PDZRN4: variants seen among roughly 807,000 people sequenced by gnomAD.
The protein encoded by PDZRN4 is PDZ domain-containing RING finger protein 4.
Under a neutral mutation model 99.0 loss-of-function variants are expected in PDZRN4, and 70 were observed. The ratio of observed to expected loss-of-function variants is 0.71; its 90% confidence interval spans 0.58 to 0.86. PDZRN4 has a LOEUF of 0.86. PDZRN4 is among the 40% of genes least tolerant of loss of function. PDZRN4 has a pLI of 0.00. For missense variants in PDZRN4, 1,474 were observed against 1,331.2 expected, an observed-to-expected ratio of 1.11 and a Z score of -1.67; for synonymous variants, 551 against 501.6, an observed-to-expected ratio of 1.10 and a Z score of -1.32.
intron 3 of PDZRN4, among the ~76,000 whole-genome samples, chr12:41,438,481 C>G (rs770954510): frequency 5.3e-5 from 8 of 152,094 alleles, no homozygotes; most frequent in Non-Finnish European, 7.4e-5. Context: ...AGAATTTGTG[C>G]TTTGGTTTAA....
chr12:41,488,773 A>G (rs1401928853), intron 3 of PDZRN4, among the ~76,000 whole-genome samples: 1 of 152,238 alleles, frequency 6.6e-6, no homozygotes. Context: ...TATAAAATGA[A>G]AACAATAATC....
chr12:41,527,707 T>C (rs1308736677), intron 5 of PDZRN4, among the ~76,000 whole-genome samples: 1 of 152,224 alleles, frequency 6.6e-6, no homozygotes, highest in Non-Finnish European at 1.5e-5. Flanking sequence ...TTCAGCACAA[T>C]GTGTCCTCCT....
At chr12:41,499,136 G>A (rs1449608727) in intron 3 of PDZRN4, among the ~76,000 whole-genome samples, 3 of 152,050 alleles carry the variant, frequency 2.0e-5, no homozygotes, top group Non-Finnish European at 2.9e-5. Context: ...ATTGTGAGCA[G>A]AGCCAAGCAA....
chr12:41,514,623 G>C (rs1162200294), intron 5 of PDZRN4, among the ~76,000 whole-genome samples: 1 of 152,030 alleles, frequency 6.6e-6, no homozygotes, highest in Non-Finnish European at 1.5e-5. Flanking sequence ...TTTCACAGTG[G>C]GTGCTCAACG....
intron 3 of PDZRN4, among the ~76,000 whole-genome samples, chr12:41,425,498 TC>T: frequency 6.6e-6 from 1 of 152,100 alleles, no homozygotes; most frequent in South Asian, 2.1e-4. Flanking sequence ...CAGATGGTGT[TC>T]CTGTACAGAA....
intron 9 of PDZRN4, among the ~76,000 whole-genome samples, chr12:41,571,357 C>G (rs1362356253): frequency 4.2e-5 from 4 of 95,494 alleles, no homozygotes; most frequent in Admixed American, 1.3e-4. Context: ...CTCTCTCTCT[C>G]TCTCTCTCTC....
chr12:41,317,421 G>A (rs746695056), intron 3 of PDZRN4, among the ~76,000 whole-genome samples: 13 of 151,956 alleles, frequency 8.6e-5, no homozygotes, highest in Non-Finnish European at 1.8e-4. Flanking sequence ...CCCACAGGAT[G>A]GAGAATAATC....
At chr12:41,321,340 T>TA (rs1951676138) in intron 3 of PDZRN4, among the ~76,000 whole-genome samples, 1 of 152,204 alleles carries the variant, frequency 6.6e-6, no homozygotes, top group Non-Finnish European at 1.5e-5. Context: ...TCTCTGCTTC[T>TA]AATCTTAGGA....
chr12:41,525,727 T>C (rs1938556963), intron 5 of PDZRN4, among the ~76,000 whole-genome samples: 1 of 152,058 alleles, frequency 6.6e-6, no homozygotes, highest in Admixed American at 6.6e-5. Flanking sequence ...AGAAACTCCA[T>C]ACCTTGTGGA....
Position 41,189,102 on chromosome 12 carries a change from G to GTT in PDZRN4, c.647_648insTT (p.Arg216SerfsTer13). 1 of 1,579,886 alleles carries GTT rather than the reference G, an allele frequency of 6.3e-7. No homozygotes were observed. The highest frequency in any genetic ancestry group is 2.3e-5 in the East Asian group (1 of 43,938). ...GGCGACCTCGGTGGCGGCCACCGCA[G>GTT]GGTAAGCAAAGGGGGGTGGGCACCG... On this transcript the variant is annotated frameshift_variant and splice_region_variant, in exon 1 of 10. Transcript: ENST00000402685. LOFTEE classifies it high-confidence loss of function.
intron 5 of PDZRN4, among the ~76,000 whole-genome samples, chr12:41,540,516 A>G (rs961620418): frequency 3.9e-5 from 6 of 152,186 alleles, no homozygotes; most frequent in African/African-American, 1.4e-4. Flanking sequence ...TATGTAACAC[A>G]AACAATCTGA....
chr12:41,549,244 A>G (rs1370338182), intron 5 of PDZRN4, among the ~76,000 whole-genome samples: 1 of 152,180 alleles, frequency 6.6e-6, no homozygotes, highest in Non-Finnish European at 1.5e-5. Flanking sequence ...AAGGTATGAA[A>G]GTTGTTAGGG....
At chr12:41,192,145 GC>G (rs1414927624) in intron 2 of PDZRN4, among the ~76,000 whole-genome samples, 1 of 151,916 alleles carries the variant, frequency 6.6e-6, no homozygotes, top group East Asian at 1.9e-4. Flanking sequence ...TCACTCTGCA[GC>G]CCAGGCTGGA....
intron 3 of PDZRN4, among the ~76,000 whole-genome samples, chr12:41,369,067 T>G (rs1158394271): frequency 6.6e-6 from 1 of 152,134 alleles, no homozygotes; most frequent in Non-Finnish European, 1.5e-5. Context: ...TGAAAAACTT[T>G]TTCATAAAGA....
chr12:41,454,779 A>G (rs1211311026), intron 3 of PDZRN4, among the ~76,000 whole-genome samples: 1 of 152,230 alleles, frequency 6.6e-6, no homozygotes, highest in Non-Finnish European at 1.5e-5. Flanking sequence ...TGTGGGACAA[A>G]TGGAACTAAG....
Position 41,383,197 on chromosome 12 carries a change from G to A in PDZRN4, c.844-123259G>A, listed in dbSNP as rs933626712. Reference sequence around the variant, plus strand: ...TTTAGAGCACTGAATGAGGACTTTGGCACCTAATTTGGAATTTTGGAGCAC... The same window carrying A: ...TTTAGAGCACTGAATGAGGACTTTGACACCTAATTTGGAATTTTGGAGCAC... On this transcript the variant is annotated intron_variant, in intron 3 of 9. Transcript: ENST00000402685. Among the ~76,000 whole-genome samples, 4 of 152,212 alleles carry A rather than the reference G, an allele frequency of 2.6e-5. No individual in the cohort carries two copies. The South Asian group carries it at 8.3e-4, about 32-fold the overall frequency.
chr12:41,573,882 A>G lies in PDZRN4; in HGVS notation c.3103A>G (p.Thr1035Ala), dbSNP rs1477039113. The change falls in exon 10 of 10, where the codon ACT becomes GCT. Residue 1035 changes from threonine (T) to alanine (A), a missense_variant. By Grantham distance (58) the Thr-to-Ala change is moderately conservative (BLOSUM62 0). Transcript: ENST00000402685. ...RVHNAFLSVT[T>A]V is the part of the protein sequence containing the mutation. ...CCATAATGCCTTCTTGTCGGTGACC[A>G]CTGTATGACCGAATGAATGGAATGC... 6.5e-7 allele frequency: 1 copy of G among 1,549,276 alleles called. No homozygotes were observed. The highest frequency in any genetic ancestry group is 1.3e-5 in the South Asian group (1 of 78,702).
At chr12:41,561,480 C>A (rs1939268580) in intron 7 of PDZRN4, among the ~76,000 whole-genome samples, 1 of 150,848 alleles carries the variant, frequency 6.6e-6, no homozygotes, top group African/African-American at 2.4e-5. Context: ...TTTAAGATAG[C>A]AAACTTAATA....
At chr12:41,529,756 C>T (rs556616951) in intron 5 of PDZRN4, among the ~76,000 whole-genome samples, 1 of 152,176 alleles carries the variant, frequency 6.6e-6, no homozygotes, top group Non-Finnish European at 1.5e-5. Context: ...CCAGAAGATT[C>T]TGAGTGTCCT....
Sources: allele counts gnomAD v4.1 joint callset (sites outside exome capture counted in the v4.1 genomes callset), GRCh38; gene constraint gnomAD v4.1.1; transcripts MANE v1.5; gene names NCBI Gene and HGNC (gene_info 2026-07-23, HGNC 2026-07-21).